Variants in CTNNA2 observed in about 807,000 individuals in gnomAD.
The protein encoded by CTNNA2 is catenin alpha 2.
CTNNA2 carries 42 observed loss-of-function variants against 101.0 expected under a neutral mutation model. The ratio of observed to expected loss-of-function variants is 0.42; its 90% CI spans 0.32 to 0.54. The LOEUF (loss-of-function observed/expected upper bound fraction) is 0.54, where lower values mean the gene tolerates loss of function less well. Ranked by LOEUF, CTNNA2 falls within the 20% of genes least tolerant of loss-of-function variation. The pLI, the probability that CTNNA2 is intolerant of heterozygous loss-of-function variation, is 0.14. For missense variants in CTNNA2, 871 were observed against 1,223.1 expected, an observed-to-expected ratio of 0.71 and a Z score of 4.29; for synonymous variants, 450 against 456.4, an observed-to-expected ratio of 0.99 and a Z score of 0.18.
In CTNNA2 at chr2:79,651,569, A is replaced by G. The variant is rs372730685; in HGVS notation, c.13A>G (p.Thr5Ala). ...TCCCATAGGGAGCATGACTTCGGCA[A>G]CTTCACCTATCATTCTGAAATGGGA... MTSA[T>A]SPIILKWDPK... Residue 5 changes from threonine (T) to alanine (A), a missense_variant, in exon 2 of 19, where the codon ACT (threonine) becomes GCT (alanine). Transcript: ENST00000402739. 5.6e-6 allele frequency: 9 copies of G among 1,613,814 alleles called. No individual in the cohort carries two copies. Among genetic ancestry groups the G allele is most frequent in the Middle Eastern group, 1.7e-4 (1 of 6,056 alleles).
chr2:79,309,658 A>G (rs937808675), intron 2 of CTNNA2, among the ~76,000 whole-genome samples: 4 of 152,166 alleles, frequency 2.6e-5, no homozygotes, highest in Non-Finnish European at 4.4e-5. Context: ...CAGATTGATG[A>G]TTTAAACTGG....
At chr2:80,469,034 G>T (rs1685082224) in intron 9 of CTNNA2, among the ~76,000 whole-genome samples, 1 of 152,162 alleles carries the variant, frequency 6.6e-6, no homozygotes, top group African/African-American at 2.4e-5. Flanking sequence ...TGTTGAAGGT[G>T]CTGAAGGTGC....
chr2:79,653,285 A>T (rs2104485211), intron 2 of CTNNA2, among the ~76,000 whole-genome samples: 1 of 140,876 alleles, frequency 7.1e-6, no homozygotes, highest in African/African-American at 2.6e-5. Context: ...TCCATCTCCT[A>T]CCTGTAGAAT....
intron 4 of CTNNA2, among the ~76,000 whole-genome samples, chr2:79,865,111 G>T (rs1183837885): frequency 6.6e-6 from 1 of 152,060 alleles, no homozygotes; most frequent in Non-Finnish European, 1.5e-5. Context: ...AACACACATT[G>T]ATGCGCTTTA....
intron 3 of CTNNA2, among the ~76,000 whole-genome samples, chr2:79,781,994 C>T (rs537241488): frequency 3.3e-5 from 5 of 152,158 alleles, no homozygotes; most frequent in African/African-American, 4.8e-5. Flanking sequence ...TTTCCTTTTA[C>T]ACCTACTCTG....
chr2:80,556,164 GCTTA>G lies in CTNNA2; in HGVS notation c.1741+276_1741+279del, dbSNP rs888226132. On this transcript the variant is annotated intron_variant, in intron 12 of 18. Transcript: ENST00000402739. ...TTCTCACAAACAATAAAATTTTTCT[GCTTA>G]CTTAATTATCTCCAATTATGGATGA... 1.1e-4 allele frequency among the ~76,000 whole-genome samples: 17 copies of G among 152,126 alleles called. No homozygotes were observed. The South Asian group carries it at 1.2e-3, about 11-fold the overall frequency.
intron 2 of CTNNA2, among the ~76,000 whole-genome samples, chr2:79,684,147 G>A (rs1397689): frequency 0.47 from 71,380 of 152,012 alleles, 17,283 homozygotes; most frequent in Non-Finnish European, 0.53. Flanking sequence ...GTGGCTGTGC[G>A]CAACTGAGTA....
chr2:80,604,292 G>A, intron 16 of CTNNA2, 113 bp downstream of exon 16: 1 of 768,118 alleles, frequency 1.3e-6, no homozygotes, highest in Non-Finnish European at 2.2e-6. Context: ...TGAATCAGAG[G>A]GGAGAATCAC....
chr2:80,388,165 T>C (rs979780495), intron 7 of CTNNA2, among the ~76,000 whole-genome samples: 2 of 152,310 alleles, frequency 1.3e-5, no homozygotes, highest in African/African-American at 4.8e-5. Flanking sequence ...GGAGATCGTT[T>C]AGATATGGAA....
At chr2:80,335,119 T>C (rs762464310) in intron 7 of CTNNA2, among the ~76,000 whole-genome samples, 5 of 152,184 alleles carry the variant, frequency 3.3e-5, no homozygotes, top group African/African-American at 4.8e-5. Flanking sequence ...ACAGTTTCAG[T>C]ATGAGGTTAG....
chr2:79,719,684 C>T (rs1171842956), intron 2 of CTNNA2, among the ~76,000 whole-genome samples: 1 of 152,068 alleles, frequency 6.6e-6, no homozygotes, highest in Non-Finnish European at 1.5e-5. Context: ...TTGTTGGCTG[C>T]TTGTATGTCT....
intron 9 of CTNNA2, among the ~76,000 whole-genome samples, chr2:80,441,015 A>G (rs1465104618): frequency 6.6e-6 from 1 of 152,222 alleles, no homozygotes; most frequent in Non-Finnish European, 1.5e-5. Flanking sequence ...TTTGTGGCTG[A>G]GGCAAACAAT....
At chr2:79,496,551 AT>A (rs925357865) in intron 4 of CTNNA2, among the ~76,000 whole-genome samples, 20 of 150,366 alleles carry the variant, frequency 1.3e-4, no homozygotes, top group African/African-American at 2.7e-4. Flanking sequence ...AGCCAATATT[AT>A]TTTTTTTTGC....
chr2:79,612,360 T>C (rs1678331841), intron 1 of CTNNA2, among the ~76,000 whole-genome samples: 1 of 152,206 alleles, frequency 6.6e-6, no homozygotes, highest in South Asian at 2.1e-4. Flanking sequence ...AACAACAGTT[T>C]CTAAATCAAA....
chr2:80,269,225 A>AGGT, intron 7 of CTNNA2, among the ~76,000 whole-genome samples: 1 of 152,220 alleles, frequency 6.6e-6, no homozygotes, highest in African/African-American at 2.4e-5. Context: ...GTGGGAGGTA[A>AGGT]TTGCATCACA....
intron 9 of CTNNA2, among the ~76,000 whole-genome samples, chr2:80,484,789 T>C (rs780287065): frequency 6.6e-6 from 1 of 152,134 alleles, no homozygotes; most frequent in Non-Finnish European, 1.5e-5. Flanking sequence ...GGCGGATCAC[T>C]AGGTCCGGAG....
At chr2:80,089,100 C>A (rs529750850) in intron 7 of CTNNA2, among the ~76,000 whole-genome samples, 1 of 152,082 alleles carries the variant, frequency 6.6e-6, no homozygotes, top group Non-Finnish European at 1.5e-5. Flanking sequence ...ATGAAAAGTT[C>A]TTTGGCGTGT....
At chr2:80,007,797 G>A (rs1369483692) in intron 7 of CTNNA2, among the ~76,000 whole-genome samples, 1 of 152,150 alleles carries the variant, frequency 6.6e-6, no homozygotes, top group Non-Finnish European at 1.5e-5. Context: ...AGAAGGTCCA[G>A]TGCAACAACC....
At chr2:79,432,219 C>T (rs137869135) in intron 4 of CTNNA2, among the ~76,000 whole-genome samples, 1 of 152,232 alleles carries the variant, frequency 6.6e-6, no homozygotes, top group Non-Finnish European at 1.5e-5. Flanking sequence ...CAAGTATTTG[C>T]AAAGTACGAT....
Sources: allele counts gnomAD v4.1 joint callset (sites outside exome capture counted in the v4.1 genomes callset), GRCh38; gene constraint gnomAD v4.1.1; transcripts MANE v1.5; gene names NCBI Gene and HGNC (gene_info 2026-07-23, HGNC 2026-07-21).